The following PRKCA variants were observed in gnomAD, a reference collection of about 807,000 sequenced individuals.
The protein encoded by PRKCA is protein kinase C alpha type.
A neutral mutation model predicts 87.0 loss-of-function variants in PRKCA; 27 were observed. The observed-to-expected ratio is 0.31, with a 90% CI of 0.23 to 0.43. The LOEUF (loss-of-function observed/expected upper bound fraction) is 0.43, where lower values mean the gene tolerates loss of function less well. Among genes scored for constraint, PRKCA ranks in the 20% least tolerant of loss-of-function variants. The probability of loss-of-function intolerance (pLI) is 1.00; values close to 1 mark genes in which losing one functional copy is unlikely to be tolerated. For missense variants in PRKCA, 518 were observed against 852.3 expected (o/e 0.61, Z 4.88); for synonymous variants, 329 against 311.1 (o/e 1.06, Z -0.61).
chr17:66,365,303 G>A (rs535494548), intron 2 of PRKCA, among the ~76,000 whole-genome samples: 9 of 152,272 alleles, frequency 5.9e-5, no homozygotes, highest in East Asian at 1.9e-4. Flanking sequence ...TGTATTCTAC[G>A]GGAGGGAGGA....
intron 3 of PRKCA, among the ~76,000 whole-genome samples, chr17:66,576,873 CTTTTTTTT>C (rs66875614): frequency 1.4e-5 from 2 of 138,304 alleles, no homozygotes; most frequent in Non-Finnish European, 1.6e-5. Context: ...TGGTGATGTA[CTTTTTTTT>C]TTTTTTTTTT....
At chr17:66,761,845 A>T (rs184321628) in intron 13 of PRKCA, among the ~76,000 whole-genome samples, 26 of 152,212 alleles carry the variant, frequency 1.7e-4, no homozygotes, top group African/African-American at 6.3e-4. Context: ...TTTGTCTGTT[A>T]TCCCAGTTAG....
At chr17:66,781,866 G>GATATATATAT (rs766995438) in intron 14 of PRKCA, among the ~76,000 whole-genome samples, 3 of 132,792 alleles carry the variant, frequency 2.3e-5, no homozygotes, top group African/African-American at 1.0e-4. Flanking sequence ...GAGAGAGAGA[G>GATATATATAT]AGATATATAT....
intron 2 of PRKCA, among the ~76,000 whole-genome samples, chr17:66,424,489 C>A (rs1031604020): frequency 2.0e-5 from 3 of 151,382 alleles, no homozygotes; most frequent in Non-Finnish European, 4.4e-5. Flanking sequence ...ATTGCTTGAA[C>A]CCAGGAGGCA....
chr17:66,687,388 A>C (rs1598874107), intron 6 of PRKCA, 121 bp downstream of exon 6: 10 of 1,064,842 alleles, frequency 9.4e-6, no homozygotes, highest in Non-Finnish European at 2.6e-6. Flanking sequence ...CAGTCCTAAG[A>C]CCTCCTCAGG....
chr17:66,810,679 G>A lies in PRKCA; in HGVS notation c.*6642G>A, dbSNP rs926394818. ...CCTCTAATCTCCGTTTGCATGATAC[G>A]CTTTGTTAGAAACATTAATTGTAGT... On this transcript the variant is annotated 3_prime_UTR_variant, in exon 17 of 17. Transcript: ENST00000413366. 1.3e-5 allele frequency: 2 copies of A among 151,768 alleles called. No individual in the cohort carries two copies. Among genetic ancestry groups the A allele is most frequent in the Admixed American group, 1.3e-4 (2 of 15,236 alleles). 9.4% of individuals were successfully genotyped at this position (151,768 alleles called of 1,614,324 possible).
intron 2 of PRKCA, among the ~76,000 whole-genome samples, chr17:66,398,446 G>A (rs980706008): frequency 1.7e-4 from 26 of 152,244 alleles, no homozygotes; most frequent in African/African-American, 6.0e-4. Context: ...CAAAGTTGGT[G>A]ATGGGCTAAT....
rs538332104 is a variant in PRKCA, at chr17:66,809,195, A to C, written c.*5158A>C. 1 of 152,458 alleles carries C rather than the reference A, an allele frequency of 6.6e-6. No homozygotes were observed. Among genetic ancestry groups the C allele is most frequent in the East Asian group, 1.9e-4 (1 of 5,190 alleles). The allele number at this position is 152,458 out of a possible 1,614,324, so 9.4% of individuals were successfully genotyped here. A position where few individuals can be genotyped will look rare whatever the true frequency, so the allele number is the denominator to read the frequency against. On this transcript the variant is annotated 3_prime_UTR_variant, in exon 17 of 17. Coordinates refer to ENST00000413366, the MANE Select transcript of PRKCA (RefSeq NM_002737.3). ...CCTGACGCACACATGGATGAAGGCC[A>C]TCATCTAGAAATGGGGTCAACCACA...
intron 3 of PRKCA, among the ~76,000 whole-genome samples, chr17:66,589,714 A>G (rs1189736490): frequency 6.6e-6 from 1 of 152,170 alleles, no homozygotes; most frequent in Admixed American, 6.6e-5. Flanking sequence ...CTTACTGAGC[A>G]TGAATTGGGG....
chr17:66,310,731 A>G (rs1004510282), intron 2 of PRKCA, among the ~76,000 whole-genome samples: 1 of 152,174 alleles, frequency 6.6e-6, no homozygotes. Context: ...AGAAAACAAG[A>G]CTACTTAAGG....
At chr17:66,305,224 T>C (rs1904751209) in intron 1 of PRKCA, among the ~76,000 whole-genome samples, 1 of 152,232 alleles carries the variant, frequency 6.6e-6, no homozygotes, top group African/African-American at 2.4e-5. Context: ...ATTTCAATAT[T>C]AAATCACTGA....
At chr17:66,564,907 T>C (rs779463935) in intron 3 of PRKCA, among the ~76,000 whole-genome samples, 4 of 151,986 alleles carry the variant, frequency 2.6e-5, no homozygotes, top group Non-Finnish European at 5.9e-5. Context: ...TTGAACCCGG[T>C]TGGCAGAGGT....
chr17:66,801,513 T>C (rs1975897166), intron 16 of PRKCA, among the ~76,000 whole-genome samples: 1 of 152,234 alleles, frequency 6.6e-6, no homozygotes, highest in African/African-American at 2.4e-5. Context: ...GTTTAACTGA[T>C]GAATTAAGTA....
At chr17:66,762,953 G>A (rs1287406844) in intron 13 of PRKCA, among the ~76,000 whole-genome samples, 2 of 152,166 alleles carry the variant, frequency 1.3e-5, no homozygotes, top group Non-Finnish European at 2.9e-5. Flanking sequence ...ACCACGTCCA[G>A]CTGATTTTTG....
chr17:66,509,051 T>C (rs1290159577), intron 3 of PRKCA, among the ~76,000 whole-genome samples: 1 of 152,084 alleles, frequency 6.6e-6, no homozygotes, highest in African/African-American at 2.4e-5. Context: ...AACACCTCAG[T>C]GTACACACAC....
intron 5 of PRKCA, among the ~76,000 whole-genome samples, chr17:66,670,711 G>A (rs867485834): frequency 4.0e-5 from 6 of 151,826 alleles, no homozygotes; most frequent in Middle Eastern, 3.4e-3. Context: ...AAAAAACACA[G>A]AAATGACCGG....
At chr17:66,604,790 G>T (rs1158704428) in intron 3 of PRKCA, among the ~76,000 whole-genome samples, 1 of 152,178 alleles carries the variant, frequency 6.6e-6, no homozygotes, top group Non-Finnish European at 1.5e-5. Context: ...AACATAAAAT[G>T]TGCAAAGTAA....
intron 3 of PRKCA, among the ~76,000 whole-genome samples, chr17:66,523,903 T>C (rs1484801025): frequency 6.6e-6 from 1 of 152,334 alleles, no homozygotes; most frequent in South Asian, 2.1e-4. Flanking sequence ...TCTGACTAAT[T>C]ACTATTTATA....
intron 8 of PRKCA, among the ~76,000 whole-genome samples, chr17:66,702,587 C>CAA (rs1234369101): frequency 6.6e-6 from 1 of 152,036 alleles, no homozygotes; most frequent in Non-Finnish European, 1.5e-5. Context: ...CACACACACA[C>CAA]AATGGTAACT....
Sources: allele counts gnomAD v4.1 joint callset (sites outside exome capture counted in the v4.1 genomes callset), GRCh38; gene constraint gnomAD v4.1.1; transcripts MANE v1.5; gene names NCBI Gene and HGNC (gene_info 2026-07-23, HGNC 2026-07-21).